Variants in PAX5 observed in about 807,000 individuals in gnomAD.
The protein encoded by PAX5 is paired box protein Pax-5.
PAX5 carries 9 observed loss-of-function variants against 43.7 expected under a neutral mutation model. The observed-to-expected ratio is 0.21, with a 90% CI of 0.12 to 0.36. PAX5 has a LOEUF of 0.36. PAX5 is among the 10% of genes least tolerant of loss of function. The probability of loss-of-function intolerance (pLI) is 1.00; values close to 1 mark genes in which losing one functional copy is unlikely to be tolerated. For synonymous variants in PAX5, 228 were observed against 214.3 expected (o/e 1.06, Z -0.56); for missense variants, 383 against 532.7 (o/e 0.72, Z 2.77).
In PAX5 at chr9:36,884,725, G is replaced by C. The variant is rs545638698; in HGVS notation, c.911-2620C>G. 7.9e-5 allele frequency among the ~76,000 whole-genome samples: 12 copies of C among 152,326 alleles called. No individual in the cohort carries two copies. The South Asian group carries it at 1.7e-3, about 21-fold the overall frequency. On this transcript the variant is annotated intron_variant, in intron 7 of 9. Transcript: ENST00000358127. ...TTATAATCAGCTGGATAAATCTTAG[G>C]CTTGGGAAATCATAAGAAAATTGGC...
intron 6 of PAX5, among the ~76,000 whole-genome samples, chr9:36,929,212 G>A (rs1260217741): frequency 6.8e-6 from 1 of 147,164 alleles, no homozygotes; most frequent in Admixed American, 6.9e-5. Flanking sequence ...AAGATGGAAG[G>A]AAGGAAGGAA....
intron 8 of PAX5, among the ~76,000 whole-genome samples, chr9:36,849,622 C>T (rs1000734305): frequency 4.6e-5 from 7 of 152,254 alleles, no homozygotes; most frequent in African/African-American, 1.4e-4. Flanking sequence ...TTAGCACCCA[C>T]AGCCAGGGGT....
intron 6 of PAX5, among the ~76,000 whole-genome samples, chr9:36,946,005 C>T (rs1379637917): frequency 6.6e-6 from 1 of 152,196 alleles, no homozygotes; most frequent in South Asian, 2.1e-4. Flanking sequence ...CCAAGATGCA[C>T]ACATATACCT....
chr9:36,865,774 C>A (rs139495190), intron 8 of PAX5, among the ~76,000 whole-genome samples: 294 of 152,330 alleles, frequency 1.9e-3, no homozygotes, highest in Non-Finnish European at 3.0e-3. Context: ...TGGTAGTCTT[C>A]TTTTGATTAA....
intron 8 of PAX5, among the ~76,000 whole-genome samples, chr9:36,881,034 T>C (rs1295683078): frequency 1.3e-5 from 2 of 152,222 alleles, no homozygotes; most frequent in Non-Finnish European, 2.9e-5. Flanking sequence ...AATAATGCAT[T>C]GCATATTTCC....
At chr9:36,940,853 G>A (rs1362561993) in intron 6 of PAX5, among the ~76,000 whole-genome samples, 5 of 152,108 alleles carry the variant, frequency 3.3e-5, no homozygotes, top group Non-Finnish European at 7.4e-5. Context: ...CCAGGCACCC[G>A]GCAGGTACTC....
Position 36,867,194 on chromosome 9 carries a change from A to G in PAX5, c.1012+14810T>C, listed in dbSNP as rs117405347. Among the ~76,000 whole-genome samples, 1,401 of 152,192 alleles carry G rather than the reference A, an allele frequency of 9.2e-3. 10 individuals carry two copies. The highest frequency in any genetic ancestry group is 0.016 in the Non-Finnish European group (1,071 of 68,006). ...CAGGAACCCCACACCCGCAGTGCCC[A>G]TGGAAAAGCTATTCATTCACAAAGG... is the stretch of plus-strand genomic sequence containing the variant. On this transcript the variant is annotated intron_variant, in intron 8 of 9. Coordinates refer to ENST00000358127, the MANE Select transcript of PAX5 (RefSeq NM_016734.3).
intron 6 of PAX5, among the ~76,000 whole-genome samples, chr9:36,948,995 C>T (rs1026805978): frequency 2.0e-5 from 3 of 152,230 alleles, no homozygotes; most frequent in Admixed American, 6.5e-5. Context: ...GGGCTGAACC[C>T]TCTGTCAAAC....
chr9:36,894,323 T>A (rs111767704), intron 7 of PAX5, among the ~76,000 whole-genome samples: 3 of 152,292 alleles, frequency 2.0e-5, no homozygotes, highest in African/African-American at 7.2e-5. Flanking sequence ...AATCTAATGG[T>A]TGGGAAAGTC....
chr9:36,920,535 G>A (rs1830082695), intron 7 of PAX5, among the ~76,000 whole-genome samples: 1 of 152,154 alleles, frequency 6.6e-6, no homozygotes. Flanking sequence ...TAAGGTATGT[G>A]TCTTTTAAAA....
At chr9:36,929,550 T>C (rs778922684) in intron 6 of PAX5, among the ~76,000 whole-genome samples, 15 of 152,234 alleles carry the variant, frequency 9.9e-5, no homozygotes, top group Non-Finnish European at 1.9e-4. Flanking sequence ...TCCTACTTTT[T>C]CTGAGCCCTT....
chr9:36,905,390 G>A lies in PAX5; in HGVS notation c.910+17965C>T, dbSNP rs569208283. 2.0e-5 allele frequency among the ~76,000 whole-genome samples: 3 copies of A among 152,306 alleles called. 1 individual carries two copies. Among genetic ancestry groups the A allele is most frequent in the African/African-American group, 7.2e-5 (3 of 41,564 alleles). ...GATTTATAATTCCCACTGGGCAGAC[G>A]GCAAAACTGAGGTTCAGAGAGGGGA... On this transcript the variant is annotated intron_variant, in intron 7 of 9. Transcript: ENST00000358127.
At chr9:36,851,052 C>T (rs1823112198) in intron 8 of PAX5, among the ~76,000 whole-genome samples, 1 of 152,244 alleles carries the variant, frequency 6.6e-6, no homozygotes, top group Non-Finnish European at 1.5e-5. Flanking sequence ...AGGCCATCTG[C>T]TCACTGGTTT....
intron 6 of PAX5, among the ~76,000 whole-genome samples, chr9:36,962,989 C>A (rs1453967197): frequency 6.6e-6 from 1 of 152,240 alleles, no homozygotes; most frequent in Non-Finnish European, 1.5e-5. Context: ...GTACCCTTGA[C>A]TGACATCCCT....
chr9:36,946,973 G>A (rs1176391253), intron 6 of PAX5, among the ~76,000 whole-genome samples: 1 of 152,190 alleles, frequency 6.6e-6, no homozygotes, highest in Non-Finnish European at 1.5e-5. Flanking sequence ...ATTCTAAACA[G>A]GATCAGAAGC....
At position 36,838,575 on chromosome 9, in the gene PAX5, C is replaced by T. The variant is rs1291440009; in HGVS notation, c.*1985G>A. 1 of 233,150 alleles carries T rather than the reference C, an allele frequency of 4.3e-6. No individual in the cohort carries two copies. Among genetic ancestry groups the T allele is most frequent in the Non-Finnish European group, 8.5e-6 (1 of 118,058 alleles). 14.4% of individuals were successfully genotyped at this position (233,150 alleles called of 1,614,324 possible). ...GGTCCTGGCCTTCCCCAAGCTGGGCCTCAGTTTCCCACAAGGGAAGTTGGG... is the reference window on the plus strand; with the variant it reads ...GGTCCTGGCCTTCCCCAAGCTGGGCTTCAGTTTCCCACAAGGGAAGTTGGG... On this transcript the variant is annotated 3_prime_UTR_variant, in exon 10 of 10. Coordinates refer to ENST00000358127, the MANE Select transcript of PAX5 (RefSeq NM_016734.3).
intron 5 of PAX5, among the ~76,000 whole-genome samples, chr9:36,998,184 A>T (rs1461797439): frequency 1.3e-5 from 2 of 152,196 alleles, no homozygotes; most frequent in African/African-American, 4.8e-5. Context: ...TCCAGAGGCC[A>T]CAGAGATCTT....
chr9:36,945,104 G>A (rs1337640653), intron 6 of PAX5, among the ~76,000 whole-genome samples: 2 of 152,152 alleles, frequency 1.3e-5, no homozygotes, highest in African/African-American at 4.8e-5. Context: ...TGACGGAGAC[G>A]CCAAAGTTCC....
chr9:36,937,344 G>A (rs1419688058), intron 6 of PAX5, among the ~76,000 whole-genome samples: 2 of 152,100 alleles, frequency 1.3e-5, no homozygotes, highest in African/African-American at 2.4e-5. Context: ...CCAGCAGTGC[G>A]ACTCCAGAGT....
Sources: gnomAD v4.1 joint callset for allele counts (sites outside exome capture counted in the v4.1 genomes callset) on GRCh38, gnomAD v4.1.1 for gene constraint, MANE v1.5 for transcripts, NCBI Gene and HGNC (gene_info 2026-07-23, HGNC 2026-07-21) for gene names.